TBX20: variants seen among roughly 807,000 people sequenced by gnomAD.
TBX20 encodes T-box transcription factor TBX20.
In TBX20, 8 loss-of-function variants were observed where a neutral mutation model predicts 42.9. The ratio of observed to expected loss-of-function variants is 0.19; its 90% CI spans 0.11 to 0.34. The LOEUF (loss-of-function observed/expected upper bound fraction) is 0.34. Among genes scored for constraint, TBX20 ranks in the 10% least tolerant of loss-of-function variants. The pLI, the probability that TBX20 is intolerant of heterozygous loss-of-function variation, is 1.00. For synonymous variants in TBX20, 198 were observed against 222.8 expected, an observed-to-expected ratio of 0.89 and a Z score of 0.99; for missense variants, 411 against 566.0, an observed-to-expected ratio of 0.73 and a Z score of 2.78.
At chr7:35,232,629 G>A (rs1260989860) in intron 5 of TBX20, among the ~76,000 whole-genome samples, 2 of 152,184 alleles carry the variant, frequency 1.3e-5, no homozygotes, top group Non-Finnish European at 2.9e-5. Context: ...TTCATCTCTA[G>A]AGAGAAATGC....
At chr7:35,221,670 G>A (rs1484431445) in intron 6 of TBX20, among the ~76,000 whole-genome samples, 6 of 152,158 alleles carry the variant, frequency 3.9e-5, no homozygotes, top group Admixed American at 3.9e-4. Flanking sequence ...AGTTATGCAA[G>A]AACTCATAAA....
chr7:35,235,027 C>T lies in TBX20; in HGVS notation c.814-3447G>A, dbSNP rs182849669. Among the ~76,000 whole-genome samples, 18 of 152,252 alleles carry T rather than the reference C, an allele frequency of 1.2e-4. No homozygotes were observed. In the East Asian group the frequency reaches 3.1e-3, roughly 26 times the overall value. ...TATTTGTTGAGCTTTACCTCAAGAA[C>T]AAGCACAGTGAGAAATATGATCTCA... On this transcript the variant is annotated intron_variant, in intron 5 of 7. Transcript: ENST00000408931.
chr7:35,218,289 A>C (rs926184762), intron 6 of TBX20, among the ~76,000 whole-genome samples: 15 of 152,222 alleles, frequency 9.9e-5, no homozygotes, highest in African/African-American at 3.6e-4. Flanking sequence ...ATATATAAAC[A>C]AAAGTAAAAA....
chr7:35,227,166 TG>T (rs1404007976), intron 6 of TBX20, among the ~76,000 whole-genome samples: 4 of 151,878 alleles, frequency 2.6e-5, no homozygotes, highest in African/African-American at 9.7e-5. Context: ...AGTTGTACAA[TG>T]TGTATGTTTT....
chr7:35,250,206 G>C lies in TBX20; in HGVS notation c.128-3C>G. 1 of 1,613,944 alleles carries C rather than the reference G, an allele frequency of 6.2e-7. No homozygotes were observed. The highest frequency in any genetic ancestry group is 8.5e-7 in the Non-Finnish European group (1 of 1,179,974). On this transcript the variant is annotated splice_polypyrimidine_tract_variant and splice_region_variant and intron_variant, in intron 1 of 7. Coordinates refer to ENST00000408931, the MANE Select transcript of TBX20 (RefSeq NM_001077653.2). ...GGACGACTTCTCCACAAATTGCTCT[G>C]GAGGTAAAGAGAATTGTGAATGACA...
chr7:35,202,942 A>T (rs1789331290), intron 7 of TBX20, among the ~76,000 whole-genome samples, 172 bp from the exon 8 acceptor site: 1 of 152,218 alleles, frequency 6.6e-6, no homozygotes, highest in Admixed American at 6.5e-5. Flanking sequence ...CTAGGTAAGA[A>T]GATGATATTT....
chr7:35,248,894 G>C, intron 2 of TBX20, 53 bp from the exon 3 acceptor site: 1 of 1,605,782 alleles, frequency 6.2e-7, no homozygotes, highest in Non-Finnish European at 8.5e-7. Flanking sequence ...CTAATAAACT[G>C]ACCTGAATTA....
chr7:35,244,771 C>A (rs778839188), intron 4 of TBX20, among the ~76,000 whole-genome samples, 178 bp downstream of exon 4: 58 of 152,168 alleles, frequency 3.8e-4, no homozygotes, highest in African/African-American at 1.3e-3. Context: ...CGTAAATGAC[C>A]TATTACAAAA....
At chr7:35,223,931 G>A (rs1432579844) in intron 6 of TBX20, among the ~76,000 whole-genome samples, 4 of 152,126 alleles carry the variant, frequency 2.6e-5, no homozygotes, top group Non-Finnish European at 4.4e-5. Flanking sequence ...AGAGAATATT[G>A]CTGTAGTCCT....
chr7:35,232,295 G>A (rs1268884500), intron 5 of TBX20, among the ~76,000 whole-genome samples: 19 of 152,042 alleles, frequency 1.2e-4, no homozygotes, highest in Non-Finnish European at 2.6e-4. Context: ...TCCATGCTGT[G>A]GTATTCAGAA....
chr7:35,240,706 G>A (rs1790058658), intron 5 of TBX20, among the ~76,000 whole-genome samples, 173 bp downstream of exon 5: 1 of 148,698 alleles, frequency 6.7e-6, no homozygotes, highest in Non-Finnish European at 1.5e-5. Flanking sequence ...AAACTATAGT[G>A]TAATACACAG....
chr7:35,231,812 T>C (rs144972406), intron 5 of TBX20, among the ~76,000 whole-genome samples: 262 of 152,204 alleles, frequency 1.7e-3, no homozygotes, highest in African/African-American at 5.9e-3. Context: ...GGTTGACAGA[T>C]AGATACAATT....
At chr7:35,250,296 G>T in intron 1 of TBX20, 93 bp from the exon 2 acceptor site, 2 of 1,509,072 alleles carry the variant, frequency 1.3e-6, no homozygotes, top group South Asian at 2.4e-5. Context: ...ACTTGGATTT[G>T]ACTCAGGAAA....
At chr7:35,237,454 A>C (rs1433451716) in intron 5 of TBX20, among the ~76,000 whole-genome samples, 1 of 151,904 alleles carries the variant, frequency 6.6e-6, no homozygotes, top group Non-Finnish European at 1.5e-5. Context: ...TTACAAAAAT[A>C]GTGTTCTCAT....
At chr7:35,213,877 C>CA (rs59548164) in intron 6 of TBX20, among the ~76,000 whole-genome samples, 5,305 of 59,088 alleles carry the variant, frequency 0.09, 417 homozygotes, top group Admixed American at 0.21. Context: ...GCAGAGATAG[C>CA]AAAAAAAAAA....
chr7:35,226,631 CACA>C (rs957529742), intron 6 of TBX20, among the ~76,000 whole-genome samples: 2 of 152,022 alleles, frequency 1.3e-5, no homozygotes, highest in South Asian at 2.1e-4. Context: ...TGTTTCAGCC[CACA>C]ACGTTTCACA....
At chr7:35,234,228 C>T (rs1562563723) in intron 5 of TBX20, among the ~76,000 whole-genome samples, 1 of 152,116 alleles carries the variant, frequency 6.6e-6, no homozygotes, top group Non-Finnish European at 1.5e-5. Context: ...GAAGGTATTA[C>T]CTATCTGTTC....
At chr7:35,248,618 A>T in intron 3 of TBX20, 59 bp downstream of exon 3, 1 of 1,577,222 alleles carries the variant, frequency 6.3e-7, no homozygotes, top group Non-Finnish European at 8.7e-7. Context: ...CACACAAGCC[A>T]GAAACATTCT....
chr7:35,250,231 A>G, intron 1 of TBX20, 28 bp from the exon 2 acceptor site: 1 of 1,613,308 alleles, frequency 6.2e-7, no homozygotes, highest in Non-Finnish European at 8.5e-7. Context: ...TGTGAATGAC[A>G]GCTGACACTG....
Sources: gnomAD v4.1 joint callset for allele counts (sites outside exome capture counted in the v4.1 genomes callset) on GRCh38, gnomAD v4.1.1 for gene constraint, MANE v1.5 for transcripts, NCBI Gene and HGNC (gene_info 2026-07-23, HGNC 2026-07-21) for gene names.